The following ZNF521 variants were observed in gnomAD, a reference collection of about 807,000 sequenced individuals.
The protein encoded by ZNF521 is LYST-interacting protein 3.
A neutral mutation model predicts 105.5 loss-of-function variants in ZNF521; 14 were observed. The ratio of observed to expected loss-of-function variants is 0.13; its 90% CI spans 0.09 to 0.21. The LOEUF (loss-of-function observed/expected upper bound fraction) is 0.21, where lower values mean the gene tolerates loss of function less well. ZNF521 is among the 10% of genes least tolerant of loss of function. ZNF521 has a pLI of 1.00. For missense variants in ZNF521, 1,233 were observed against 1,629.7 expected (o/e 0.76, Z 4.19); for synonymous variants, 635 against 606.0 (o/e 1.05, Z -0.70).
chr18:25,141,001 C>G (rs2034836723), intron 5 of ZNF521, among the ~76,000 whole-genome samples: 1 of 152,168 alleles, frequency 6.6e-6, no homozygotes. Context: ...CAAAGGCACT[C>G]TCGCTTCTTC....
intron 3 of ZNF521, among the ~76,000 whole-genome samples, chr18:25,314,042 A>T (rs971464589): frequency 6.6e-6 from 1 of 151,960 alleles, no homozygotes; most frequent in Non-Finnish European, 1.5e-5. Context: ...ATTAATAACA[A>T]AGTATGAATA....
rs552993977 is a variant in ZNF521 at position 25,293,335 on chromosome 18, C to T, written c.220+28673G>A. On this transcript the variant is annotated intron_variant, in intron 3 of 7. Coordinates refer to ENST00000361524, the MANE Select transcript of ZNF521 (RefSeq NM_015461.3). ...GTTGCTGCATTAACAGATTTTCTTG[C>T]TTGCACATGTACACATACACACACA... 4.1e-5 allele frequency among the ~76,000 whole-genome samples: 6 copies of T among 145,158 alleles called. No individual in the cohort carries two copies. In the East Asian group the frequency reaches 8.2e-4, roughly 20 times the overall value.
intron 7 of ZNF521, among the ~76,000 whole-genome samples, chr18:25,080,690 A>T (rs1176060790): frequency 6.6e-6 from 1 of 152,220 alleles, no homozygotes; most frequent in Non-Finnish European, 1.5e-5. Context: ...GGGGATTTAT[A>T]GTGGAAGCCC....
chr18:25,158,929 C>T (rs759171428), intron 5 of ZNF521, among the ~76,000 whole-genome samples: 1 of 151,210 alleles, frequency 6.6e-6, no homozygotes, highest in Non-Finnish European at 1.5e-5. Context: ...GCATTCCAGC[C>T]TGTGCGACAC....
intron 5 of ZNF521, among the ~76,000 whole-genome samples, chr18:25,126,970 C>G (rs1379477981): frequency 6.6e-6 from 1 of 151,948 alleles, no homozygotes; most frequent in African/African-American, 2.4e-5. Context: ...AGGTCTGTGC[C>G]AGATCTAAAA....
intron 3 of ZNF521, among the ~76,000 whole-genome samples, chr18:25,295,015 T>C (rs1179229159): frequency 6.6e-6 from 1 of 152,038 alleles, no homozygotes; most frequent in East Asian, 1.9e-4. Context: ...CTTGATATAA[T>C]TATAAACAAC....
At chr18:25,349,704 C>G (rs958503350) in intron 2 of ZNF521, among the ~76,000 whole-genome samples, 1 of 151,516 alleles carries the variant, frequency 6.6e-6, no homozygotes, top group Non-Finnish European at 1.5e-5. Context: ...CGCCGCGGCC[C>G]GGCAGCCAGG....
chr18:25,200,452 T>G (rs1340792625), intron 4 of ZNF521, among the ~76,000 whole-genome samples: 2 of 152,064 alleles, frequency 1.3e-5, no homozygotes, highest in Admixed American at 1.3e-4. Context: ...TTTGTCTTGC[T>G]CAATACAAAA....
At chr18:25,152,580 T>G (rs773428811) in intron 5 of ZNF521, among the ~76,000 whole-genome samples, 2 of 152,110 alleles carry the variant, frequency 1.3e-5, no homozygotes, top group Non-Finnish European at 2.9e-5. Context: ...TACCAAGGGA[T>G]TTTTACTGCC....
chr18:25,112,670 T>C (rs2034216468), intron 5 of ZNF521, among the ~76,000 whole-genome samples: 2 of 152,140 alleles, frequency 1.3e-5, no homozygotes, highest in African/African-American at 2.4e-5. Context: ...GCAGAGTCCA[T>C]AGAATCTATA....
intron 3 of ZNF521, among the ~76,000 whole-genome samples, chr18:25,282,811 C>CA (rs1455340284): frequency 1.3e-5 from 2 of 151,706 alleles, no homozygotes; most frequent in African/African-American, 2.4e-5. Context: ...AAAAACAAAA[C>CA]AAAAAAATCC....
intron 7 of ZNF521, among the ~76,000 whole-genome samples, chr18:25,082,202 G>A (rs1444070542): frequency 1.3e-5 from 2 of 152,168 alleles, no homozygotes; most frequent in East Asian, 1.9e-4. Flanking sequence ...CCAGAACCAC[G>A]TGCTCATTTG....
intron 5 of ZNF521, among the ~76,000 whole-genome samples, chr18:25,165,411 CTG>C (rs1336122012): frequency 1.3e-5 from 2 of 152,198 alleles, no homozygotes; most frequent in Non-Finnish European, 2.9e-5. Flanking sequence ...CTTCTTCACA[CTG>C]TTTGCGCTGT....
At chr18:25,073,829 A>G (rs569300477) in intron 7 of ZNF521, among the ~76,000 whole-genome samples, 67 of 152,264 alleles carry the variant, frequency 4.4e-4, no homozygotes, top group African/African-American at 1.5e-3. Flanking sequence ...GTAAACTCAC[A>G]TTAAGAGTAA....
intron 5 of ZNF521, among the ~76,000 whole-genome samples, chr18:25,190,182 G>GT (rs1214214985): frequency 2.0e-5 from 3 of 152,090 alleles, no homozygotes; most frequent in Non-Finnish European, 2.9e-5. Context: ...ATAAGCCAGT[G>GT]TTTTATCATA....
At chr18:25,250,885 T>C (rs888015972) in intron 3 of ZNF521, among the ~76,000 whole-genome samples, 1 of 152,230 alleles carries the variant, frequency 6.6e-6, no homozygotes, top group Non-Finnish European at 1.5e-5. Flanking sequence ...AAGTGATTCA[T>C]TCTTCAGTGA....
intron 3 of ZNF521, among the ~76,000 whole-genome samples, chr18:25,283,642 C>A (rs1162406088): frequency 1.3e-5 from 2 of 152,120 alleles, no homozygotes; most frequent in Non-Finnish European, 2.9e-5. Context: ...AATAGCTGAA[C>A]ATAAACTTAA....
chr18:25,239,174 C>T (rs1453268138), intron 3 of ZNF521, among the ~76,000 whole-genome samples: 1 of 152,162 alleles, frequency 6.6e-6, no homozygotes, highest in East Asian at 1.9e-4. Flanking sequence ...GCCCCCCTCC[C>T]ACTTTGAGTA....
intron 2 of ZNF521, among the ~76,000 whole-genome samples, chr18:25,323,957 G>A (rs1342084188): frequency 6.6e-6 from 1 of 151,538 alleles, no homozygotes; most frequent in African/African-American, 2.4e-5. Flanking sequence ...ATCTCAAAGA[G>A]CACGTAGTTT....
Sources: allele counts gnomAD v4.1 joint callset (sites outside exome capture counted in the v4.1 genomes callset), GRCh38; gene constraint gnomAD v4.1.1; transcripts MANE v1.5; gene names NCBI Gene and HGNC (gene_info 2026-07-23, HGNC 2026-07-21).